Variants in COL18A1 observed in about 807,000 individuals in gnomAD.
The protein encoded by COL18A1 is collagen type XVIII alpha 1 chain, also known as collagen alpha-1(XVIII) chain.
Under a neutral mutation model 168.0 loss-of-function variants are expected in COL18A1, and 133 were observed. The observed-to-expected ratio is 0.79, with a 90% CI of 0.69 to 0.91. The LOEUF (loss-of-function observed/expected upper bound fraction) is 0.91. Ranked by LOEUF, COL18A1 falls within the 40% of genes least tolerant of loss-of-function variation. The pLI is 0.00. For missense variants in COL18A1, 2,126 were observed against 1,925.4 expected (o/e 1.10, Z -1.95); for synonymous variants, 949 against 809.0 (o/e 1.17, Z -2.94).
chr21:45,468,772 C>T lies in COL18A1; in HGVS notation c.637C>T (p.Pro213Ser), dbSNP rs1204743455. The T allele has an allele frequency of 6.3e-7, 1 of 1,599,448 alleles. No homozygotes were observed. Among genetic ancestry groups the T allele is most frequent in the Non-Finnish European group, 8.5e-7 (1 of 1,178,320 alleles). ...LFVAQAGGADPDKFQGVIAEL... is the reference protein window; with the variant it reads ...LFVAQAGGADSDKFQGVIAEL... ...CGTGGCTCAGGCGGGGGGAGCGGAC[C>T]CTGACAAGTTCCAGGTAACCCCCAC... Residue 213 changes from proline to serine, a missense_variant, in exon 3 of 42, where the codon CCT becomes TCT. Transcript: ENST00000651438.
intron 22 of COL18A1, among the ~76,000 whole-genome samples, chr21:45,491,679 G>T (rs1402047087): frequency 1.3e-5 from 2 of 152,208 alleles, no homozygotes; most frequent in African/African-American, 2.4e-5. Flanking sequence ...GGCCCCTCTG[G>T]TGAAGGTTGT....
At chr21:45,468,830 A>ATGGGG in intron 3 of COL18A1, 44 bp downstream of exon 3, 1 of 552,280 alleles carries the variant, frequency 1.8e-6, no homozygotes, top group East Asian at 4.1e-5. Flanking sequence ...AGCAGCTGGG[A>ATGGGG]TGGGGTGGGG....
Position 45,468,366 on chromosome 21 carries a change from C to T in COL18A1, c.231C>T (p.Gly77=), listed in dbSNP as rs2145890088. ...TCTTTGGGCCAGATGCCAACAGTGG[C>T]CAAGTGGCCCGGTACCACTTCCCCA... The part of the protein sequence containing the change: ...AYVFGPDANS[G]QVARYHFPSL... The change falls in exon 3 of 42, where the codon GGC becomes GGT. Residue 77 remains glycine, a synonymous_variant. Coordinates refer to ENST00000651438, the MANE Select transcript of COL18A1 (RefSeq NM_001379500.1). 1 of 1,613,810 alleles carries T rather than the reference C, an allele frequency of 6.2e-7. No individual in the cohort carries two copies. The highest frequency in any genetic ancestry group is 1.1e-5 in the South Asian group (1 of 91,086).
Position 45,489,567 on chromosome 21 carries a change from G to T in COL18A1, c.1959+46G>T, listed in dbSNP as rs557854942. 1.3e-5 allele frequency: 19 copies of T among 1,422,736 alleles called. No homozygotes were observed. The South Asian group carries it at 1.8e-4, about 13-fold the overall frequency. 88.1% of individuals were successfully genotyped at this position (1,422,736 alleles called of 1,614,324 possible). ...CAGGGACGTGGCCAGGCAGAGGCAG[G>T]GAGGGCCCAGCCGGACACCTGCGGA... On this transcript the variant is annotated intron_variant, in intron 19 of 41. Transcript: ENST00000651438.
chr21:45,491,304 C>A lies in COL18A1; in HGVS notation c.2147C>A (p.Ser716Ter). The A allele has an allele frequency of 6.2e-7, 1 of 1,611,414 alleles. No individual in the cohort carries two copies. The highest frequency in any genetic ancestry group is 8.5e-7 in the Non-Finnish European group (1 of 1,179,058). Residue 716 changes from serine to a stop codon, truncating the protein, a stop_gained, in exon 22 of 42, where the codon TCG becomes TAG. Coordinates refer to ENST00000651438, the MANE Select transcript of COL18A1 (RefSeq NM_001379500.1). LOFTEE classifies it high-confidence loss of function. Reference sequence around the variant, plus strand: ...CCCCCGGGACCTGTGGTCTACGTGTCGGAGCAGGACGTAAGGACGCTGCGT... The same window carrying A: ...CCCCCGGGACCTGTGGTCTACGTGTAGGAGCAGGACGTAAGGACGCTGCGT... ...PGPPGPVVYV[S>*]EQDGSVLSVP...
chr21:45,502,043 TCCG>T lies in COL18A1; in HGVS notation c.2684-1966_2684-1964del, dbSNP rs1394542526. On this transcript the variant is annotated intron_variant, in intron 32 of 41. Transcript: ENST00000651438. ...CTCTGCAGAAGGACCCTCAGGGGCC[TCCG>T]CAGCCGGTCACCTCCCTCTGCCGAA... Among the ~76,000 whole-genome samples the T allele has an allele frequency of 7.0e-5, 6 of 86,102 alleles. 2 individuals are homozygous for T. Among genetic ancestry groups the T allele is most frequent in the South Asian group, 7.0e-4 (2 of 2,840 alleles). The allele number at this position is 86,102 out of a possible 152,430, so 56.5% of individuals were successfully genotyped here.
intron 38 of COL18A1, among the ~76,000 whole-genome samples, chr21:45,508,685 C>G (rs1315908678): frequency 2.0e-5 from 3 of 152,178 alleles, no homozygotes; most frequent in Admixed American, 2.0e-4. Context: ...TGTCTCCTCA[C>G]AGGGTTCAGC....
intron 6 of COL18A1, 32 bp downstream of exon 6, chr21:45,476,512 G>T (rs373548734): frequency 4.4e-4 from 682 of 1,567,030 alleles, no homozygotes; most frequent in Non-Finnish European, 5.5e-4. Flanking sequence ...GTGTGTGTGT[G>T]GTGTGGGGTG....
At chr21:45,450,795 G>A (rs1200538505) in intron 2 of COL18A1, among the ~76,000 whole-genome samples, 1 of 152,214 alleles carries the variant, frequency 6.6e-6, no homozygotes, top group Admixed American at 6.5e-5. Context: ...CGCATCTCAG[G>A]CCTCCCTCCC....
chr21:45,502,960 C>T (rs1460946829), intron 32 of COL18A1: 1 of 152,234 alleles, frequency 6.6e-6, no homozygotes, highest in Non-Finnish European at 1.5e-5. Context: ...AGAAAAACCA[C>T]CACCGAGTCC....
intron 4 of COL18A1, among the ~76,000 whole-genome samples, chr21:45,475,034 G>A (rs935804281): frequency 2.6e-5 from 4 of 152,188 alleles, no homozygotes; most frequent in East Asian, 3.9e-4. Flanking sequence ...CGGTCCCTGA[G>A]GATGTTTCTC....
intron 2 of COL18A1, chr21:45,408,682 A>G (rs1288469543): frequency 6.6e-6 from 1 of 151,396 alleles, no homozygotes; most frequent in Non-Finnish European, 1.5e-5. Flanking sequence ...GGCAGGGAGT[A>G]TGCAGGCAGC....
At chr21:45,460,106 G>A (rs1446484808) in intron 2 of COL18A1, among the ~76,000 whole-genome samples, 1 of 148,278 alleles carries the variant, frequency 6.7e-6, no homozygotes, top group Admixed American at 6.7e-5. Flanking sequence ...CGTGCCGCAA[G>A]TGTGGCTAGC....
rs1407347675 is a variant in COL18A1, at chr21:45,493,742, TGTC to T, written c.2352+169_2352+171del. ...GGTGGCCCCTCCTTTCTCGCACCCA[TGTC>T]GGCGGTTCCGCCGGCCCCTCGTCCT... On this transcript the variant is annotated intron_variant, in intron 26 of 41. Transcript: ENST00000651438. 3 of 618,036 alleles carry T rather than the reference TGTC, an allele frequency of 4.9e-6. No homozygotes were observed. The African/African-American group carries it at 5.5e-5, about 11-fold the overall frequency. 38.3% of individuals were successfully genotyped at this position (618,036 alleles called of 1,614,324 possible).
chr21:45,417,043 A>AT (rs2033469109), intron 2 of COL18A1, among the ~76,000 whole-genome samples: 3 of 152,102 alleles, frequency 2.0e-5, no homozygotes, highest in African/African-American at 7.2e-5. Context: ...TCCCTAAGTT[A>AT]TTTTTGTTAA....
At chr21:45,478,207 G>C (rs762879903) in intron 8 of COL18A1, 120 bp from the exon 9 acceptor site, 7 of 1,348,512 alleles carry the variant, frequency 5.2e-6, no homozygotes, top group South Asian at 4.7e-5. Context: ...CGAGGACATC[G>C]GGGGAAGGCG....
At chr21:45,479,348 T>A (rs1248704407) in intron 9 of COL18A1, among the ~76,000 whole-genome samples, 1 of 140,604 alleles carries the variant, frequency 7.1e-6, no homozygotes, top group South Asian at 2.2e-4. Flanking sequence ...ATACACACAC[T>A]ACACACACGT....
At chr21:45,449,273 C>T (rs956420794) in intron 2 of COL18A1, among the ~76,000 whole-genome samples, 9 of 152,132 alleles carry the variant, frequency 5.9e-5, no homozygotes, top group Non-Finnish European at 1.0e-4. Flanking sequence ...CGGCCAGGTG[C>T]GGGGAGAAGA....
At position 45,471,888 on chromosome 21, in the gene COL18A1, T is replaced by G. The variant is rs2145902110; in HGVS notation, c.652-2007T>G. On this transcript the variant is annotated intron_variant, in intron 3 of 41. Transcript: ENST00000651438. This position sits in a 1 kb window ranked among gnomAD's most constrained non-coding sequence, Gnocchi z 4.4. Reference sequence around the variant, plus strand: ...TTCATAACTTTCAGTCCGAAGTCCCTTAAATATTTACAATGGGCCTGTGGC... The same window carrying G: ...TTCATAACTTTCAGTCCGAAGTCCCGTAAATATTTACAATGGGCCTGTGGC... 6.6e-6 allele frequency among the ~76,000 whole-genome samples: 1 copy of G among 152,320 alleles called. No homozygotes were observed. The highest frequency in any genetic ancestry group is 6.5e-5 in the Admixed American group (1 of 15,304).
Sources: allele counts gnomAD v4.1 joint callset (sites outside exome capture counted in the v4.1 genomes callset), GRCh38; gene constraint gnomAD v4.1.1; non-coding constraint Gnocchi (gnomAD v3.1); transcripts MANE v1.5; gene names NCBI Gene and HGNC (gene_info 2026-07-23, HGNC 2026-07-21).